Variants in TIMM9 observed in about 807,000 individuals in gnomAD.
The protein encoded by TIMM9 is mitochondrial import inner membrane translocase subunit Tim9.
A neutral mutation model predicts 13.4 loss-of-function variants in TIMM9; 10 were observed. That is an observed-to-expected ratio of 0.75 (90% CI 0.46 to 1.26). The LOEUF (loss-of-function observed/expected upper bound fraction) is 1.26. Among genes scored for constraint, TIMM9 ranks in the 50% most tolerant of loss-of-function variants. The probability of loss-of-function intolerance (pLI) is 0.00; values close to 1 mark genes in which losing one functional copy is unlikely to be tolerated. For synonymous variants in TIMM9, 32 were observed against 32.1 expected, an observed-to-expected ratio of 1.00 and a Z score of 0.01; for missense variants, 87 against 100.8, an observed-to-expected ratio of 0.86 and a Z score of 0.58.
intron 3 of TIMM9, among the ~76,000 whole-genome samples, chr14:58,412,594 T>G (rs572982101): frequency 1.3e-5 from 2 of 152,130 alleles, no homozygotes; most frequent in Admixed American, 1.3e-4. Context: ...TGGTGAAGTT[T>G]GGGCTTAAAA....
chr14:58,417,681 G>C (rs935417491), intron 3 of TIMM9, among the ~76,000 whole-genome samples: 20 of 149,592 alleles, frequency 1.3e-4, no homozygotes, highest in Non-Finnish European at 2.5e-4. Flanking sequence ...AAGGAAGGAA[G>C]GTCTTAAATC....
At chr14:58,411,176 G>A (rs949481358) in intron 4 of TIMM9, among the ~76,000 whole-genome samples, 2 of 152,078 alleles carry the variant, frequency 1.3e-5, no homozygotes. Flanking sequence ...GGCCGGGTGC[G>A]GTAGCTCATG....
rs1322497070 is a variant in TIMM9, at chr14:58,410,879, A to T, written c.99T>A (p.Val33=). 7 of 1,613,006 alleles carry T rather than the reference A, an allele frequency of 4.3e-6. No homozygotes were observed. Among genetic ancestry groups the T allele is most frequent in the Admixed American group, 3.3e-5 (2 of 59,770 alleles). ...TTACTTCTCTTGTTGTGAAGTCTTT[A>T]ACACAGTCCAAAAAGCAGGTCTCTG... ...KLTETCFLDC[V]KDFTTREVKP... Residue 33 remains valine (V), a synonymous_variant, in exon 5 of 6, where the codon GTT becomes GTA. Transcript: ENST00000395159.
At chr14:58,420,546 A>G (rs1004708194) in intron 3 of TIMM9, among the ~76,000 whole-genome samples, 1 of 152,206 alleles carries the variant, frequency 6.6e-6, no homozygotes, top group Non-Finnish European at 1.5e-5. Context: ...TAATCCCAGC[A>G]CTTTCGGAGG....
intron 5 of TIMM9, among the ~76,000 whole-genome samples, chr14:58,409,648 G>A (rs1031685755): frequency 2.0e-5 from 3 of 151,434 alleles, no homozygotes; most frequent in African/African-American, 4.9e-5. Context: ...GCGTGATCTC[G>A]GCTCACTGCA....
intron 3 of TIMM9, among the ~76,000 whole-genome samples, chr14:58,419,096 T>G (rs2036505015): frequency 6.6e-6 from 1 of 152,138 alleles, no homozygotes; most frequent in African/African-American, 2.4e-5. Context: ...TGTGTGCCAC[T>G]GGTGGAGGGA....
chr14:58,419,692 G>C (rs1284911768), intron 3 of TIMM9, among the ~76,000 whole-genome samples: 1 of 151,946 alleles, frequency 6.6e-6, no homozygotes, highest in Admixed American at 6.6e-5. Flanking sequence ...GATGGCTTGA[G>C]GCCAGGAATT....
intron 3 of TIMM9, among the ~76,000 whole-genome samples, chr14:58,419,451 T>TCACACACACACACA (rs67147520): frequency 7.1e-5 from 8 of 112,856 alleles, no homozygotes; most frequent in Admixed American, 1.8e-4. Flanking sequence ...TGAGACCCCG[T>TCACACACACACACA]CACACACACA....
chr14:58,410,584 T>C (rs1475498446), intron 5 of TIMM9, among the ~76,000 whole-genome samples: 2 of 152,210 alleles, frequency 1.3e-5, no homozygotes, highest in Non-Finnish European at 2.9e-5. Context: ...GTAAGAATCT[T>C]TGTTGTGAAA....
chr14:58,409,119 CTT>C lies in TIMM9; in HGVS notation c.183_184del (p.Arg62AsnfsTer14), dbSNP rs767921599. 1.2e-6 allele frequency: 2 copies of C among 1,613,560 alleles called. No individual in the cohort carries two copies. Among genetic ancestry groups the C allele is most frequent in the South Asian group, 1.1e-5 (1 of 91,008 alleles). ...ATATTCCTGAAATCTCATGGATATT[CTT>C]TGTGTCATTTTTAAATATTTCTGTA... On this transcript the variant is annotated frameshift_variant, in exon 6 of 6. Coordinates refer to ENST00000395159, the MANE Select transcript of TIMM9 (RefSeq NM_012460.4). LOFTEE classifies it high-confidence loss of function.
intron 2 of TIMM9, among the ~76,000 whole-genome samples, chr14:58,425,849 T>C (rs2036740468): frequency 6.6e-6 from 1 of 152,118 alleles, no homozygotes; most frequent in Non-Finnish European, 1.5e-5. Flanking sequence ...CCACGTGCGG[T>C]GGCTCACGCT....
At chr14:58,410,581 T>A (rs2036183304) in intron 5 of TIMM9, among the ~76,000 whole-genome samples, 1 of 152,182 alleles carries the variant, frequency 6.6e-6, no homozygotes, top group Non-Finnish European at 1.5e-5. Flanking sequence ...TTAGTAAGAA[T>A]CTTTGTTGTG....
intron 3 of TIMM9, among the ~76,000 whole-genome samples, chr14:58,412,835 A>C (rs1595011944): frequency 6.6e-6 from 1 of 152,142 alleles, no homozygotes; most frequent in East Asian, 1.9e-4. Flanking sequence ...CAGGACGTTG[A>C]GGTTACAGTG....
In TIMM9 at chr14:58,410,852, T is replaced by G; in HGVS notation, c.126A>C (p.Lys42Asn). ...GTAACACTTTTCATACCTCTTCAGG[T>G]TTTACTTCTCTTGTTGTGAAGTCTT... is the stretch of plus-strand genomic sequence containing the variant. ...CVKDFTTREV[K>N]PEETTCSEHC... The change falls in exon 5 of 6, where the codon AAA (lysine) becomes AAC (asparagine). Residue 42 changes from lysine to asparagine, a missense_variant. Coordinates refer to ENST00000395159, the MANE Select transcript of TIMM9 (RefSeq NM_012460.4). The G allele has an allele frequency of 6.2e-7, 1 of 1,608,446 alleles. No homozygotes were observed. Among genetic ancestry groups the G allele is most frequent in the Non-Finnish European group, 8.5e-7 (1 of 1,178,074 alleles).
chr14:58,421,881 C>A (rs768227139), intron 3 of TIMM9, among the ~76,000 whole-genome samples: 5 of 152,158 alleles, frequency 3.3e-5, no homozygotes, highest in Non-Finnish European at 7.4e-5. Context: ...TAGACCTGAG[C>A]CTTTTGAATT....
chr14:58,423,476 C>T lies in TIMM9; in HGVS notation c.-27+532G>A, dbSNP rs189833893. ...GCTGCAGTGAGCTGAGATTGTGCCA[C>T]TGCATTCCAGCCTGGGTGACAGAGC... On this transcript the variant is annotated intron_variant, in intron 3 of 5. Coordinates refer to ENST00000395159, the MANE Select transcript of TIMM9 (RefSeq NM_012460.4). Among the ~76,000 whole-genome samples, 393 of 129,188 alleles carry T rather than the reference C, an allele frequency of 3.0e-3. 3 individuals are homozygous for T. Among genetic ancestry groups the T allele is most frequent in the African/African-American group, 9.9e-3 (334 of 33,668 alleles). 84.8% of individuals were successfully genotyped at this position (129,188 alleles called of 152,430 possible).
chr14:58,410,809 C>T, intron 5 of TIMM9, 34 bp downstream of exon 5: 1 of 1,466,316 alleles, frequency 6.8e-7, no homozygotes, highest in Non-Finnish European at 9.4e-7. Flanking sequence ...TTTATGAAGG[C>T]TTGTAGAATT....
intron 3 of TIMM9, among the ~76,000 whole-genome samples, chr14:58,416,054 G>GAAA (rs796795388): frequency 2.2e-4 from 27 of 122,128 alleles, no homozygotes; most frequent in Middle Eastern, 4.1e-3. Flanking sequence ...CGTCCCTACT[G>GAAA]AAAAAAAAAA....
chr14:58,427,237 G>T lies in TIMM9; in HGVS notation c.-298C>A. 1 of 208,054 alleles carries T rather than the reference G, an allele frequency of 4.8e-6. No individual in the cohort carries two copies. Among genetic ancestry groups the T allele is most frequent in the South Asian group, 6.1e-5 (1 of 16,266 alleles). 12.9% of individuals were successfully genotyped at this position (208,054 alleles called of 1,614,324 possible). On this transcript the variant is annotated 5_prime_UTR_variant, in exon 2 of 6. Transcript: ENST00000395159. ...TAGACGCCGATTCGTTATAACGCGA[G>T]GAAATCTAGAAGAAAAAGCAGGTAC...
Sources: allele counts gnomAD v4.1 joint callset (sites outside exome capture counted in the v4.1 genomes callset), GRCh38; gene constraint gnomAD v4.1.1; transcripts MANE v1.5; gene names NCBI Gene and HGNC (gene_info 2026-07-23, HGNC 2026-07-21).